The following ANK3 variants were observed in gnomAD, a reference collection of about 807,000 sequenced individuals.
The protein encoded by ANK3 is ankyrin 3, also known as ankyrin-3.
In ANK3, 57 loss-of-function variants were observed where a neutral mutation model predicts 370.9. That is an observed-to-expected ratio of 0.15 (90% CI 0.12 to 0.19). The LOEUF (loss-of-function observed/expected upper bound fraction) is 0.19, where lower values mean the gene tolerates loss of function less well. Among genes scored for constraint, ANK3 ranks in the 10% least tolerant of loss-of-function variants. The pLI, the probability that ANK3 is intolerant of heterozygous loss-of-function variation, is 1.00. For missense variants in ANK3, 4,439 were observed against 5,302.1 expected, an observed-to-expected ratio of 0.84 and a Z score of 5.06; for synonymous variants, 1,929 against 1,946.3, an observed-to-expected ratio of 0.99 and a Z score of 0.23.
intron 1 of ANK3, among the ~76,000 whole-genome samples, chr10:60,698,262 G>A (rs1461537428): frequency 6.7e-6 from 1 of 149,964 alleles, no homozygotes; most frequent in Admixed American, 6.6e-5. Context: ...ACAGGTGCTG[G>A]AGAGGATGTG....
chr10:60,395,196 A>G (rs768916906), intron 2 of ANK3, among the ~76,000 whole-genome samples: 132 of 152,246 alleles, frequency 8.7e-4, no homozygotes, highest in Non-Finnish European at 1.4e-3. Flanking sequence ...AAAATTTTGC[A>G]TCCAAATTGA....
At chr10:60,660,359 C>T (rs1386203004) in intron 1 of ANK3, among the ~76,000 whole-genome samples, 1 of 152,116 alleles carries the variant, frequency 6.6e-6, no homozygotes, top group Non-Finnish European at 1.5e-5. Flanking sequence ...CAGCATCTCT[C>T]CCCTCAATCA....
chr10:60,555,905 C>T (rs1383668393), intron 2 of ANK3, among the ~76,000 whole-genome samples: 1 of 152,162 alleles, frequency 6.6e-6, no homozygotes, highest in Non-Finnish European at 1.5e-5. Flanking sequence ...GTGATCAAGG[C>T]AGTAAATAAT....
rs138169391 is a variant in ANK3 at position 60,133,876 on chromosome 10, G to A, written c.2841+395C>T. ...AGAGGCTGCAGTGAGCTGACATCAT[G>A]CCACTGCACTCCAGCCTGGGTGACA... On this transcript the variant is annotated intron_variant, in intron 25 of 43. Transcript: ENST00000280772. 7.6e-3 allele frequency among the ~76,000 whole-genome samples: 1,164 copies of A among 152,188 alleles called. 15 individuals are homozygous for A. The highest frequency in any genetic ancestry group is 0.024 in the African/African-American group (987 of 41,540).
intron 2 of ANK3, among the ~76,000 whole-genome samples, chr10:60,407,078 C>A (rs1161190976): frequency 6.6e-6 from 1 of 152,194 alleles, no homozygotes; most frequent in East Asian, 1.9e-4. Flanking sequence ...ATTGAGAAGC[C>A]TGCAGATTTT....
At chr10:60,202,873 T>C (rs2096706206) in intron 12 of ANK3, 129 bp downstream of exon 12, 2 of 621,142 alleles carry the variant, frequency 3.2e-6, no homozygotes, top group Non-Finnish European at 2.7e-6. Flanking sequence ...CACCACTGTA[T>C]TCCAGTCTGG....
At chr10:60,479,399 G>T (rs948145617) in intron 2 of ANK3, among the ~76,000 whole-genome samples, 1 of 152,044 alleles carries the variant, frequency 6.6e-6, no homozygotes, top group African/African-American at 2.4e-5. Context: ...ATATAGCCTA[G>T]GTGTGTAGTA....
At position 60,122,535 on chromosome 10, in the gene ANK3, G is replaced by C. The variant is rs139987363; in HGVS notation, c.2842-8204C>G. ...TTTACTTATTGAAAGCTCCTTCAGA[G>C]ATGCCCCAGCATCACCTGCTGGTTT... On this transcript the variant is annotated intron_variant, in intron 25 of 43. Transcript: ENST00000280772. 3.9e-5 allele frequency among the ~76,000 whole-genome samples: 6 copies of C among 152,356 alleles called. No individual in the cohort carries two copies. The East Asian group carries it at 1.2e-3, about 29-fold the overall frequency.
intron 2 of ANK3, among the ~76,000 whole-genome samples, chr10:60,594,936 C>G (rs1251682348): frequency 1.3e-5 from 2 of 152,082 alleles, no homozygotes; most frequent in Admixed American, 6.6e-5. Context: ...CAATTTCAGG[C>G]TGATTCTGGC....
intron 1 of ANK3, among the ~76,000 whole-genome samples, chr10:60,370,487 G>T (rs1594663172): frequency 6.6e-6 from 1 of 151,846 alleles, no homozygotes. Context: ...TTCAAATATT[G>T]CTCTCAAAGT....
chr10:60,454,296 G>A (rs946515676), intron 2 of ANK3, among the ~76,000 whole-genome samples: 2 of 152,134 alleles, frequency 1.3e-5, no homozygotes, highest in Admixed American at 6.6e-5. Flanking sequence ...AAATGAGAGA[G>A]GGAGAAAAAG....
At chr10:60,712,858 G>C (rs1350847454) in intron 1 of ANK3, among the ~76,000 whole-genome samples, 1 of 151,960 alleles carries the variant, frequency 6.6e-6, no homozygotes, top group Non-Finnish European at 1.5e-5. Flanking sequence ...AAATATCAGG[G>C]ATAAAAAGGA....
chr10:60,373,184 T>G (rs1188903917), intron 1 of ANK3, among the ~76,000 whole-genome samples: 1 of 152,210 alleles, frequency 6.6e-6, no homozygotes, highest in Non-Finnish European at 1.5e-5. Context: ...AAACTAGAAT[T>G]AAATTAGAAA....
At chr10:60,385,729 T>C (rs1353966186) in intron 1 of ANK3, among the ~76,000 whole-genome samples, 1 of 152,184 alleles carries the variant, frequency 6.6e-6, no homozygotes, top group Non-Finnish European at 1.5e-5. Context: ...GAGAGAGATC[T>C]ACCTACCTAC....
chr10:60,490,682 T>A (rs1325938488), intron 2 of ANK3, among the ~76,000 whole-genome samples: 6 of 152,226 alleles, frequency 3.9e-5, no homozygotes, highest in African/African-American at 1.2e-4. Context: ...TTCCACTGGA[T>A]CATTTTATTT....
At chr10:60,274,921 G>C (rs750577144) in intron 4 of ANK3, among the ~76,000 whole-genome samples, 12 of 152,156 alleles carry the variant, frequency 7.9e-5, no homozygotes, top group Non-Finnish European at 1.3e-4. Flanking sequence ...TCTTTGGAAA[G>C]AGCGAATAAA....
rs548495387 is a variant in ANK3 at position 60,358,740 on chromosome 10, C to T, written c.114+30685G>A. Reference sequence around the variant, plus strand: ...CACCTGCTGCCATTCTTTCTGTTCACTTTACTTCTAGAACACTGGCCACCT... The same window carrying T: ...CACCTGCTGCCATTCTTTCTGTTCATTTTACTTCTAGAACACTGGCCACCT... On this transcript the variant is annotated intron_variant, in intron 1 of 43. Transcript: ENST00000280772. Among the ~76,000 whole-genome samples the T allele has an allele frequency of 7.2e-5, 11 of 152,326 alleles. No individual in the cohort carries two copies. The South Asian group carries it at 1.4e-3, about 20-fold the overall frequency.
intron 25 of ANK3, among the ~76,000 whole-genome samples, chr10:60,125,102 C>T (rs2093689538): frequency 6.6e-6 from 1 of 152,012 alleles, no homozygotes; most frequent in Non-Finnish European, 1.5e-5. Context: ...AAACCTGACA[C>T]AAGTAGTAAA....
rs1198553933 is a variant in ANK3, at chr10:60,042,898, T to C, written c.13066-139A>G. On this transcript the variant is annotated intron_variant, in intron 42 of 43. Coordinates refer to ENST00000280772, the MANE Select transcript of ANK3 (RefSeq NM_020987.5). ...TTGTCACTTCATGTCCAAAAATACG[T>C]ACAATCTTTAGCTTAACCACACAGT... 7 of 1,488,274 alleles carry C rather than the reference T, an allele frequency of 4.7e-6. No individual in the cohort carries two copies. In the Admixed American group the frequency reaches 1.7e-4, roughly 36 times the overall value. The allele number at this position is 1,488,274 out of a possible 1,614,324, so 92.2% of individuals were successfully genotyped here.
Sources: gnomAD v4.1 joint callset for allele counts (sites outside exome capture counted in the v4.1 genomes callset) on GRCh38, gnomAD v4.1.1 for gene constraint, MANE v1.5 for transcripts, NCBI Gene and HGNC (gene_info 2026-07-23, HGNC 2026-07-21) for gene names.